Variants in SF1 observed in about 807,000 individuals in gnomAD.
The protein encoded by SF1 is splicing factor 1.
A neutral mutation model predicts 62.5 loss-of-function variants in SF1; 7 were observed. That is an observed-to-expected ratio of 0.11 (90% confidence interval 0.06 to 0.21). The LOEUF (loss-of-function observed/expected upper bound fraction) is 0.21, where lower values mean the gene tolerates loss of function less well. Ranked by LOEUF, SF1 falls within the 10% of genes least tolerant of loss-of-function variation. The probability of loss-of-function intolerance (pLI) is 1.00; values close to 1 mark genes in which losing one functional copy is unlikely to be tolerated. For synonymous variants in SF1, 394 were observed against 323.6 expected (o/e 1.22, Z -2.33); for missense variants, 578 against 884.0 (o/e 0.65, Z 4.39).
Position 64,770,052 on chromosome 11 carries a change from G to A in SF1, c.391C>T (p.Pro131Ser). Residue 131 changes from proline (P) to serine (S), a missense_variant and splice_region_variant, in exon 5 of 13, where the codon CCT becomes TCT. Around this residue, in one of 7 missense-constraint regions of SF1, gnomAD observed 68 missense variants for 170.7 expected, o/e 0.40. Transcript: ENST00000377390. ...TTATCACTCACACGTGTTGCTGGAG[G>A]TCTAAGAAAGAAAAGCCTGTGTCAC... Reference protein sequence around the residue: ...PDFKPPADYKPPATRVSDKVM... With the variant: ...PDFKPPADYKSPATRVSDKVM... 1 of 1,613,064 alleles carries A rather than the reference G, an allele frequency of 6.2e-7. No individual in the cohort carries two copies. Among genetic ancestry groups the A allele is most frequent in the Non-Finnish European group, 8.5e-7 (1 of 1,179,088 alleles).
chr11:64,765,515 G>T lies in SF1; in HGVS notation c.*303C>A. The T allele has an allele frequency of 6.2e-7, 1 of 1,607,888 alleles. No homozygotes were observed. The highest frequency in any genetic ancestry group is 8.5e-7 in the Non-Finnish European group (1 of 1,177,588). ...TCGGGCCATCGCCGCCGCGGGGAGGGATCCTGGCGGCCCGGTTTGGGGAGA... is the reference window on the plus strand; with the variant it reads ...TCGGGCCATCGCCGCCGCGGGGAGGTATCCTGGCGGCCCGGTTTGGGGAGA... On this transcript the variant is annotated 3_prime_UTR_variant, in exon 13 of 13. Coordinates refer to ENST00000377390, the MANE Select transcript of SF1 (RefSeq NM_004630.4).
rs573143119 is a variant in SF1 at position 64,765,279 on chromosome 11, G to C, written c.*539C>G. 3.4e-6 allele frequency: 2 copies of C among 583,744 alleles called. No individual in the cohort carries two copies. 36.2% of individuals were successfully genotyped at this position (583,744 alleles called of 1,614,324 possible). ...GACCGGGGAGAGCATCTCCTTGGAC[G>C]GAGTCTGAAGAAAGGAAAAGATAAA... On this transcript the variant is annotated 3_prime_UTR_variant, in exon 13 of 13. Coordinates refer to ENST00000377390, the MANE Select transcript of SF1 (RefSeq NM_004630.4).
intron 3 of SF1, chr11:64,772,540 T>C (rs1938492803): frequency 1.0e-6 from 1 of 985,134 alleles, no homozygotes; most frequent in Non-Finnish European, 1.2e-6. Flanking sequence ...AATAAGCTAT[T>C]AACTGGGTAA....
intron 3 of SF1, chr11:64,771,918 G>T: frequency 5.1e-6 from 5 of 985,386 alleles, no homozygotes; most frequent in Non-Finnish European, 6.0e-6. Context: ...CTGAATAGAA[G>T]GGAGGAAAAA....
In SF1 at chr11:64,766,999, C is replaced by G. The variant is rs779323664; in HGVS notation, c.1483G>C (p.Gly495Arg). 6.6e-7 allele frequency: 1 copy of G among 1,522,310 alleles called. No homozygotes were observed. The highest frequency in any genetic ancestry group is 8.8e-7 in the Non-Finnish European group (1 of 1,133,832). 94.3% of individuals were successfully genotyped at this position (1,522,310 alleles called of 1,614,324 possible). The change falls in exon 12 of 13, where the codon GGT becomes CGT. Residue 495 changes from glycine to arginine, a missense_variant. Physicochemically the swap from Gly to Arg is moderately radical, Grantham distance 125. Transcript: ENST00000377390. Reference sequence around the variant, plus strand: ...TGTTGTTGCCATGGGGGAAGAGGACCAGAGGGAGGGGGTGGGGGCTGCCCA... The same window carrying G: ...TGTTGTTGCCATGGGGGAAGAGGACGAGAGGGAGGGGGTGGGGGCTGCCCA... ...PSGQPPPPPS[G>R]PLPPWQQQQQ...
intron 2 of SF1, among the ~76,000 whole-genome samples, chr11:64,775,783 C>T (rs1358298707): frequency 6.6e-6 from 1 of 152,126 alleles, no homozygotes; most frequent in African/African-American, 2.4e-5. Context: ...ATTTCAATTC[C>T]ACTGTGGATA....
In SF1 at chr11:64,770,250, G is replaced by A. The variant is rs138663478; in HGVS notation, c.389+6C>T. On this transcript the variant is annotated splice_donor_region_variant and intron_variant, in intron 4 of 12. Transcript: ENST00000377390. ...TCATCCCAGATGACCGAGCCCCTCC[G>A]CTTACTTGTAATCTGCAGGTGGCTT... 78 of 1,610,118 alleles carry A rather than the reference G, an allele frequency of 4.8e-5. No individual in the cohort carries two copies. The highest frequency in any genetic ancestry group is 2.9e-4 in the East Asian group (13 of 44,764).
Position 64,768,982 on chromosome 11 carries a change from A to G in SF1, c.887+40T>C, listed in dbSNP as rs769397769. Reference sequence around the variant, plus strand: ...ATGTGCCAGAAAAGTTGTCCTGCACATCGCAGGCTACCAGGAAACCGCAAG... The same window carrying G: ...ATGTGCCAGAAAAGTTGTCCTGCACGTCGCAGGCTACCAGGAAACCGCAAG... On this transcript the variant is annotated intron_variant, in intron 8 of 12. Coordinates refer to ENST00000377390, the MANE Select transcript of SF1 (RefSeq NM_004630.4). 5 of 1,376,588 alleles carry G rather than the reference A, an allele frequency of 3.6e-6. No individual in the cohort carries two copies. The East Asian group carries it at 6.9e-5, about 19-fold the overall frequency. The allele number at this position is 1,376,588 out of a possible 1,614,324, so 85.3% of individuals were successfully genotyped here.
Position 64,766,956 on chromosome 11 carries a change from G to C in SF1, c.1526C>G (p.Pro509Arg). Reference protein sequence around the residue: ...PWQQQQQQPPPPPPPSSSMAS... With the variant: ...PWQQQQQQPPRPPPPSSSMAS... Reference sequence around the variant, plus strand: ...CATACTGCTGCTGGGCGGAGGGGGTGGCGGAGGCTGCTGCTGCTGTTGTTG... The same window carrying C: ...CATACTGCTGCTGGGCGGAGGGGGTCGCGGAGGCTGCTGCTGCTGTTGTTG... Residue 509 changes from proline (P) to arginine (R), a missense_variant, in exon 12 of 13, where the codon CCA becomes CGA. Physicochemically the swap from Pro to Arg is moderately radical, Grantham distance 103 (BLOSUM62 -2). Transcript: ENST00000377390. 1 of 1,503,256 alleles carries C rather than the reference G, an allele frequency of 6.7e-7. No individual in the cohort carries two copies. Among genetic ancestry groups the C allele is most frequent in the East Asian group, 2.3e-5 (1 of 42,976 alleles). 93.1% of individuals were successfully genotyped at this position (1,503,256 alleles called of 1,614,324 possible).
In SF1 at chr11:64,765,969, G is replaced by A; in HGVS notation, c.1769C>T (p.Pro590Leu). Residue 590 changes from proline to leucine, a missense_variant, in exon 13 of 13, where the codon CCT becomes CTT. Around this residue, in one of 7 missense-constraint regions of SF1, gnomAD observed 410 missense variants for 452.4 expected, o/e 0.91. Transcript: ENST00000377390. ...GGCATACATCATGCCGGCGGAACCA[G>A]GCGGTGGAGGCGGCGGAGGGGGAGG... ...GAPPPPPPPP[P>L]GSAGMMYAPP... The A allele has an allele frequency of 6.3e-7, 1 of 1,595,996 alleles. No individual in the cohort carries two copies. The highest frequency in any genetic ancestry group is 1.1e-5 in the South Asian group (1 of 89,714).
intron 1 of SF1, chr11:64,777,959 C>T: frequency 1.0e-6 from 1 of 988,992 alleles, no homozygotes; most frequent in Non-Finnish European, 1.2e-6. Flanking sequence ...CCGCGCGACG[C>T]CTCTCGCGCT....
chr11:64,776,755 C>G (rs751825860), intron 1 of SF1, 129 bp from the exon 2 acceptor site: 11 of 874,708 alleles, frequency 1.3e-5, no homozygotes, highest in African/African-American at 1.8e-5. Flanking sequence ...AAAACTTAAA[C>G]ATTAAAAAAA....
At chr11:64,769,684 G>T in intron 5 of SF1, 75 bp from the exon 6 acceptor site, 1 of 1,341,898 alleles carries the variant, frequency 7.5e-7, no homozygotes, top group Non-Finnish European at 1.0e-6. Flanking sequence ...GGACCAATTT[G>T]GCATTGGTGG....
rs1937619910 is a variant in SF1 at position 64,767,918 on chromosome 11, A to G, written c.1069-74T>C. The G allele has an allele frequency of 3.2e-6, 5 of 1,559,014 alleles. No individual in the cohort carries two copies. The Admixed American group carries it at 8.3e-5, about 26-fold the overall frequency. On this transcript the variant is annotated intron_variant, in intron 9 of 12. Coordinates refer to ENST00000377390, the MANE Select transcript of SF1 (RefSeq NM_004630.4). ...GCAACATTGTTCTTCGGGTTATGAC[A>G]CAGGACCAGAACACAAGAACAAGGT...
At chr11:64,767,287 A>G in intron 10 of SF1, 36 bp from the exon 11 acceptor site, 1 of 1,605,100 alleles carries the variant, frequency 6.2e-7, no homozygotes, top group Non-Finnish European at 8.5e-7. Context: ...TTAGCAGGAC[A>G]TTGGAACTGG....
chr11:64,777,358 T>C, intron 1 of SF1: 1 of 342,094 alleles, frequency 2.9e-6, no homozygotes, highest in Non-Finnish European at 4.1e-6. Flanking sequence ...GGAAAAGCTT[T>C]TTAAAACAAA....
intron 7 of SF1, 42 bp downstream of exon 7, chr11:64,769,181 G>C (rs751914516): frequency 3.7e-6 from 6 of 1,607,558 alleles, no homozygotes; most frequent in Non-Finnish European, 5.1e-6. Flanking sequence ...ACTTCCATAG[G>C]TTCTTCAGGT....
chr11:64,765,488 G>A lies in SF1; in HGVS notation c.*330C>T. ...GGCGCGGAAAGTCCTCACTCTCATG[G>A]CTCGGGCCATCGCCGCCGCGGGGAG... is the stretch of plus-strand genomic sequence containing the variant. On this transcript the variant is annotated 3_prime_UTR_variant, in exon 13 of 13. Transcript: ENST00000377390. 2 of 1,612,848 alleles carry A rather than the reference G, an allele frequency of 1.2e-6. No individual in the cohort carries two copies. The highest frequency in any genetic ancestry group is 1.7e-6 in the Non-Finnish European group (2 of 1,179,540).
chr11:64,773,367 A>G, intron 3 of SF1, 63 bp downstream of exon 3: 1 of 1,584,598 alleles, frequency 6.3e-7, no homozygotes, highest in Non-Finnish European at 8.6e-7. Context: ...TGTTGCCACC[A>G]GTAAAACGTA....
Sources: allele counts gnomAD v4.1 joint callset (sites outside exome capture counted in the v4.1 genomes callset), GRCh38; gene constraint gnomAD v4.1.1; regional missense constraint gnomAD v4.1.1; transcripts MANE v1.5; gene names NCBI Gene and HGNC (gene_info 2026-07-23, HGNC 2026-07-21).